GNG4: variants seen among roughly 807,000 people sequenced by gnomAD.
The protein encoded by GNG4 is G protein subunit gamma 4.
A neutral mutation model predicts 5.8 loss-of-function variants in GNG4; 4 were observed. The ratio of observed to expected loss-of-function variants is 0.69; its 90% confidence interval spans 0.34 to 1.57. The LOEUF is 1.57. Among genes scored for constraint, GNG4 ranks in the 40% most tolerant of loss-of-function variants. The pLI, the probability that GNG4 is intolerant of heterozygous loss-of-function variation, is 0.06. For missense variants in GNG4, 96 were observed against 95.1 expected (o/e 1.01, Z -0.04); for synonymous variants, 29 against 32.9 (o/e 0.88, Z 0.41).
At chr1:235,628,494 G>A (rs71642805) in intron 1 of GNG4, among the ~76,000 whole-genome samples, 21 of 152,110 alleles carry the variant, frequency 1.4e-4, no homozygotes, top group South Asian at 8.3e-4. Context: ...CAGTCTTGTG[G>A]AGAGTTTTGT....
intron 2 of GNG4, among the ~76,000 whole-genome samples, chr1:235,591,007 T>C (rs1687947653): frequency 6.6e-6 from 1 of 152,208 alleles, no homozygotes; most frequent in African/African-American, 2.4e-5. Context: ...CCTGCGCTTC[T>C]AACGAGCTTC....
At chr1:235,606,023 C>T (rs1688352819) in intron 1 of GNG4, among the ~76,000 whole-genome samples, 1 of 151,940 alleles carries the variant, frequency 6.6e-6, no homozygotes, top group African/African-American at 2.4e-5. Context: ...ATCCTCTGGC[C>T]TCAGCCTCCC....
intron 1 of GNG4, among the ~76,000 whole-genome samples, chr1:235,617,106 T>C (rs1399892736): frequency 6.6e-6 from 1 of 152,110 alleles, no homozygotes; most frequent in Non-Finnish European, 1.5e-5. Flanking sequence ...CCAGTGGTTT[T>C]AACTTGGTTA....
chr1:235,578,312 T>A (rs1384927159), intron 3 of GNG4, among the ~76,000 whole-genome samples: 1 of 152,202 alleles, frequency 6.6e-6, no homozygotes, highest in Non-Finnish European at 1.5e-5. Flanking sequence ...AAGGGAACCG[T>A]GGTATGCCAT....
chr1:235,595,409 G>C lies in GNG4; in HGVS notation c.-20C>G, dbSNP rs1174511710. 9 of 152,358 alleles carry C rather than the reference G, an allele frequency of 5.9e-5. No individual in the cohort carries two copies. The highest frequency in any genetic ancestry group is 1.3e-4 in the Admixed American group (2 of 15,282). The allele number at this position is 152,358 out of a possible 1,614,324, so 9.4% of individuals were successfully genotyped here. ...AAGTCACTCTCCTTACCTGCTGAGA[G>C]GCAGCCGTGTGACAGGCCTGGGCAA... On this transcript the variant is annotated 5_prime_UTR_variant, in exon 2 of 4. Coordinates refer to ENST00000391854, the MANE Select transcript of GNG4 (RefSeq NM_001098722.2).
intron 1 of GNG4, among the ~76,000 whole-genome samples, chr1:235,597,776 C>T (rs1220246178): frequency 6.6e-6 from 1 of 151,828 alleles, no homozygotes; most frequent in Non-Finnish European, 1.5e-5. Context: ...CAGGTGCCCA[C>T]CACCACACCT....
chr1:235,612,907 G>A (rs1400848671), intron 1 of GNG4, among the ~76,000 whole-genome samples: 1 of 152,148 alleles, frequency 6.6e-6, no homozygotes, highest in African/African-American at 2.4e-5. Flanking sequence ...TGGTCAGGTT[G>A]TGACAAGGGC....
chr1:235,611,871 G>T (rs10926246), intron 1 of GNG4, among the ~76,000 whole-genome samples: 55,287 of 151,466 alleles, frequency 0.37, 13,203 homozygotes, highest in African/African-American at 0.68. Flanking sequence ...AAGAACAGCC[G>T]AGGCAACATA....
chr1:235,632,101 TAA>T (rs1163692283), intron 1 of GNG4, among the ~76,000 whole-genome samples: 4 of 152,178 alleles, frequency 2.6e-5, no homozygotes, highest in Non-Finnish European at 5.9e-5. Context: ...TTTCTTTTTT[TAA>T]GAGACAGGTT....
At chr1:235,650,093 C>T (rs1174538682), upstream of GNG4, 2 of 147,004 alleles carry the variant, frequency 1.4e-5, no homozygotes, top group Non-Finnish European at 3.0e-5. Flanking sequence ...CTCCCGCGCT[C>T]CCCGCCCCCG....
intron 2 of GNG4, among the ~76,000 whole-genome samples, chr1:235,592,231 TAC>T (rs1461380082): frequency 6.6e-6 from 1 of 152,076 alleles, no homozygotes; most frequent in African/African-American, 2.4e-5. Context: ...CTGGGCCGGG[TAC>T]AGTGACTCAC....
intron 3 of GNG4, among the ~76,000 whole-genome samples, chr1:235,576,910 T>G (rs1687496681): frequency 6.6e-6 from 1 of 152,166 alleles, no homozygotes. Flanking sequence ...CAAGCAGAAC[T>G]TCAAGACAAT....
chr1:235,597,562 G>GT lies in GNG4; in HGVS notation c.-122-2052dup, dbSNP rs1291751962. Reference sequence around the variant, plus strand: ...AGATCCAGGAATGCTTTATGTTTTAGTTTGTTTTTTTTTTTAACTTGTTTG... The same window carrying GT: ...AGATCCAGGAATGCTTTATGTTTTAGTTTTGTTTTTTTTTTTAACTTGTTTG... On this transcript the variant is annotated intron_variant, in intron 1 of 3. Coordinates refer to ENST00000391854, the MANE Select transcript of GNG4 (RefSeq NM_001098722.2). Among the ~76,000 whole-genome samples the GT allele has an allele frequency of 8.9e-4, 84 of 94,692 alleles. 2 individuals carry two copies. Among genetic ancestry groups the GT allele is most frequent in the African/African-American group, 2.4e-3 (61 of 24,916 alleles). The allele number at this position is 94,692 out of a possible 152,430, so 62.1% of individuals were successfully genotyped here.
At chr1:235,623,220 C>T (rs528788001) in intron 1 of GNG4, among the ~76,000 whole-genome samples, 8 of 151,924 alleles carry the variant, frequency 5.3e-5, no homozygotes, top group African/African-American at 7.3e-5. Flanking sequence ...AACTGGGGCC[C>T]GTTCTTGGGG....
At chr1:235,563,462 T>C (rs1379070707) in intron 3 of GNG4, among the ~76,000 whole-genome samples, 1 of 150,766 alleles carries the variant, frequency 6.6e-6, no homozygotes, top group Non-Finnish European at 1.5e-5. Flanking sequence ...TTAATATGTT[T>C]ATAATGTTAA....
At chr1:235,633,659 T>A (rs565074339) in intron 1 of GNG4, among the ~76,000 whole-genome samples, 18 of 152,226 alleles carry the variant, frequency 1.2e-4, no homozygotes, top group South Asian at 6.2e-4. Flanking sequence ...AGCTAATTTT[T>A]AAAATTTTTT....
chr1:235,572,134 C>T (rs1057251188), intron 3 of GNG4, among the ~76,000 whole-genome samples: 1 of 152,124 alleles, frequency 6.6e-6, no homozygotes, highest in African/African-American at 2.4e-5. Flanking sequence ...GTACTGAATA[C>T]TGTAGGCAAC....
intron 1 of GNG4, among the ~76,000 whole-genome samples, chr1:235,631,524 T>G (rs1220729668): frequency 6.6e-6 from 1 of 152,092 alleles, no homozygotes; most frequent in Non-Finnish European, 1.5e-5. Flanking sequence ...GGCTTCTGCA[T>G]TAACACTGTT....
intron 3 of GNG4, among the ~76,000 whole-genome samples, chr1:235,561,390 C>T (rs1396973260): frequency 3.3e-5 from 5 of 151,578 alleles, no homozygotes; most frequent in East Asian, 1.9e-4. Flanking sequence ...CTCTTGCACG[C>T]GCTCGCGCTC....
Sources: allele counts gnomAD v4.1 joint callset (sites outside exome capture counted in the v4.1 genomes callset), GRCh38; gene constraint gnomAD v4.1.1; transcripts MANE v1.5; gene names NCBI Gene and HGNC (gene_info 2026-07-23, HGNC 2026-07-21).